Variants in MYO5B observed in about 807,000 individuals in gnomAD.
The protein encoded by MYO5B is unconventional myosin-Vb.
In MYO5B, 143 loss-of-function variants were observed where a neutral mutation model predicts 229.3. That is an observed-to-expected ratio of 0.62 (90% CI 0.54 to 0.72). The LOEUF is 0.72. Ranked by LOEUF, MYO5B falls within the 30% of genes least tolerant of loss-of-function variation. The pLI is 0.00. For synonymous variants in MYO5B, 918 were observed against 885.2 expected (o/e 1.04, Z -0.66); for missense variants, 2,321 against 2,331.0 (o/e 1.00, Z 0.09).
chr18:50,052,472 G>T (rs1001423734), intron 2 of MYO5B, among the ~76,000 whole-genome samples: 1 of 146,366 alleles, frequency 6.8e-6, no homozygotes, highest in Non-Finnish European at 1.5e-5. Flanking sequence ...ACCAAACACC[G>T]CATGTTCTCA....
At chr18:49,873,814 G>C (rs2144096963) in intron 26 of MYO5B, among the ~76,000 whole-genome samples, 1 of 152,306 alleles carries the variant, frequency 6.6e-6, no homozygotes, top group African/African-American at 2.4e-5. Flanking sequence ...AGAAAGGGAG[G>C]TGGCTGGGTG....
At chr18:49,907,833 A>T (rs2024916226) in intron 18 of MYO5B, among the ~76,000 whole-genome samples, 2 of 152,256 alleles carry the variant, frequency 1.3e-5, no homozygotes, top group African/African-American at 4.8e-5. Context: ...GAAGCTGGCA[A>T]GAGTGGGCTC....
chr18:50,012,226 C>T (rs2026169451), intron 4 of MYO5B, among the ~76,000 whole-genome samples: 1 of 152,206 alleles, frequency 6.6e-6, no homozygotes, highest in South Asian at 2.1e-4. Flanking sequence ...AGCACTGCTA[C>T]AGACTCAGCT....
chr18:49,901,474 G>A (rs1233046616), intron 21 of MYO5B, among the ~76,000 whole-genome samples: 1 of 152,220 alleles, frequency 6.6e-6, no homozygotes, highest in Non-Finnish European at 1.5e-5. Context: ...ACATGGGAAG[G>A]TGGCCAGGGT....
rs112721719 is a variant in MYO5B, at chr18:49,867,268, TGTGGGAAGTGA to T, written c.3604-2899_3604-2889del. Among the ~76,000 whole-genome samples the T allele has an allele frequency of 6.0e-3, 918 of 152,206 alleles. 10 individuals are homozygous for T. The highest frequency in any genetic ancestry group is 0.021 in the African/African-American group (854 of 41,526). On this transcript the variant is annotated intron_variant, in intron 27 of 39. Transcript: ENST00000285039. ...TGTCAAGACCTGGAGACTGCTTGGA[TGTGGGAAGTGA>T]GTGGGAAGAAAGTCTAGATGCTTGG...
At chr18:50,106,810 T>C (rs2031769940) in intron 1 of MYO5B, among the ~76,000 whole-genome samples, 2 of 152,176 alleles carry the variant, frequency 1.3e-5, no homozygotes, top group Non-Finnish European at 2.9e-5. Flanking sequence ...GTATCGTCAG[T>C]GTCTATTATA....
chr18:49,833,763 G>C (rs1342911488), intron 39 of MYO5B, among the ~76,000 whole-genome samples: 2 of 151,926 alleles, frequency 1.3e-5, no homozygotes, highest in Non-Finnish European at 1.5e-5. Flanking sequence ...CCATATAATG[G>C]GTCCAGGTTC....
At chr18:49,992,234 G>A (rs2144312498) in intron 6 of MYO5B, 54 bp downstream of exon 6, 1 of 1,611,968 alleles carries the variant, frequency 6.2e-7, no homozygotes, top group East Asian at 2.2e-5. Context: ...GGGAGCAGAA[G>A]TAAGGTAATT....
At chr18:50,047,234 A>C (rs918002007) in intron 2 of MYO5B, among the ~76,000 whole-genome samples, 29 of 149,212 alleles carry the variant, frequency 1.9e-4, no homozygotes, top group African/African-American at 5.9e-4. Context: ...AACTCTAACA[A>C]ATTTACAAGA....
At chr18:50,193,458 G>A (rs1443259128) in intron 1 of MYO5B, among the ~76,000 whole-genome samples, 1 of 152,258 alleles carries the variant, frequency 6.6e-6, no homozygotes, top group African/African-American at 2.4e-5. Context: ...GAATGGGAGA[G>A]TTGAATAATT....
At chr18:49,990,651 C>T (rs2025921427) in intron 6 of MYO5B, 131 bp from the exon 7 acceptor site, 3 of 728,094 alleles carry the variant, frequency 4.1e-6, no homozygotes, top group South Asian at 3.0e-5. Flanking sequence ...TTCCTCCACA[C>T]CTCTGCCACC....
At chr18:50,173,890 A>C (rs1380702800) in intron 1 of MYO5B, among the ~76,000 whole-genome samples, 1 of 152,220 alleles carries the variant, frequency 6.6e-6, no homozygotes, top group Non-Finnish European at 1.5e-5. Context: ...TTGTGTGTCA[A>C]ACTGACTGAG....
intron 2 of MYO5B, among the ~76,000 whole-genome samples, chr18:50,048,806 T>C (rs1387133773): frequency 2.0e-5 from 3 of 152,102 alleles, no homozygotes; most frequent in Non-Finnish European, 2.9e-5. Flanking sequence ...GCAGATCACC[T>C]GAGCTCAGGA....
intron 17 of MYO5B, among the ~76,000 whole-genome samples, chr18:49,924,231 C>A (rs972112056): frequency 1.3e-5 from 2 of 152,160 alleles, no homozygotes; most frequent in Admixed American, 6.5e-5. Flanking sequence ...TAGTTACACC[C>A]ATAGGGAGGT....
chr18:50,043,374 T>TTAA (rs2030096270), intron 2 of MYO5B, among the ~76,000 whole-genome samples: 3 of 108,496 alleles, frequency 2.8e-5, no homozygotes, highest in South Asian at 4.9e-4. Flanking sequence ...TTATATAATA[T>TTAA]ATAATATATT....
Position 49,980,464 on chromosome 18 carries a change from C to G in MYO5B, c.1036G>C (p.Gly346Arg). The G allele has an allele frequency of 6.2e-7, 1 of 1,612,694 alleles. No individual in the cohort carries two copies. Among genetic ancestry groups the G allele is most frequent in the African/African-American group, 1.3e-5 (1 of 74,968 alleles). Residue 346 changes from glycine to arginine, a missense_variant, in exon 9 of 40, where the codon GGT becomes CGT. Gly to Arg is a moderately radical substitution (Grantham distance 125). Coordinates refer to ENST00000285039, the MANE Select transcript of MYO5B (RefSeq NM_001080467.3). ...CTTACTGATATACTACAGGAATCAC[C>G]ATCACGCTCAGCCTGAATCGCCACA... ...GSVAIQAERD[G>R]DSCSISPQDV...
In MYO5B at chr18:49,837,541, G is replaced by C; in HGVS notation, c.5114C>G (p.Ser1705Cys). 6.2e-7 allele frequency: 1 copy of C among 1,613,926 alleles called. No homozygotes were observed. Among genetic ancestry groups the C allele is most frequent in the Non-Finnish European group, 8.5e-7 (1 of 1,179,852 alleles). Residue 1705 changes from serine to cysteine, a missense_variant, in exon 37 of 40, where the codon TCT (serine) becomes TGT (cysteine). This residue lies in a region of MYO5B where 208 missense variants were observed against 286.3 expected (regional missense o/e 0.73). Transcript: ENST00000285039. ...NNLLLRKDVC[S>C]WSTGMQLRYN... ...CCTGAGTTGCATGCCTGTGCTCCAAGAGCAGACGTCCTTCCGCAAGAGCAG... is the reference window on the plus strand; with the variant it reads ...CCTGAGTTGCATGCCTGTGCTCCAACAGCAGACGTCCTTCCGCAAGAGCAG...
intron 36 of MYO5B, among the ~76,000 whole-genome samples, chr18:49,838,584 C>T (rs565784272): frequency 6.6e-6 from 1 of 152,308 alleles, no homozygotes; most frequent in Non-Finnish European, 1.5e-5. Context: ...GGTCCAGGTA[C>T]ACTTTCCTTC....
At chr18:49,874,241 C>T (rs2024490891) in intron 26 of MYO5B, among the ~76,000 whole-genome samples, 1 of 152,196 alleles carries the variant, frequency 6.6e-6, no homozygotes, top group African/African-American at 2.4e-5. Flanking sequence ...AAAAAGATAC[C>T]CTTTTTTATT....
Sources: gnomAD v4.1 joint callset for allele counts (sites outside exome capture counted in the v4.1 genomes callset) on GRCh38, gnomAD v4.1.1 for gene constraint, gnomAD v4.1.1 regional missense constraint, MANE v1.5 for transcripts, NCBI Gene and HGNC (gene_info 2026-07-23, HGNC 2026-07-21) for gene names.